LTBP1: variants seen among roughly 807,000 people sequenced by gnomAD.
The protein encoded by LTBP1 is latent-transforming growth factor beta-binding protein 1.
In LTBP1, 129 loss-of-function variants were observed where a neutral mutation model predicts 207.6. That is an observed-to-expected ratio of 0.62 (90% CI 0.54 to 0.72). The LOEUF is 0.72. LTBP1 is among the 30% of genes least tolerant of loss of function. The pLI is 0.00. For missense variants in LTBP1, 2,281 were observed against 2,217.2 expected, an observed-to-expected ratio of 1.03 and a Z score of -0.58; for synonymous variants, 963 against 833.7, an observed-to-expected ratio of 1.16 and a Z score of -2.67.
chr2:33,199,522 T>C (rs1028683521), intron 7 of LTBP1, among the ~76,000 whole-genome samples: 8 of 152,210 alleles, frequency 5.3e-5, no homozygotes, highest in Non-Finnish European at 1.0e-4. Context: ...AATATCATAC[T>C]GAATGGGCAA....
chr2:33,151,856 TG>T lies in LTBP1; in HGVS notation c.1201+16897del, dbSNP rs1558713238. ...GTGTGTGTGTGTGTGTGTGTGTGTGTGTGTGTGTGTGTGTGTGTGTGTATCA... is the reference window on the plus strand; with the variant it reads ...GTGTGTGTGTGTGTGTGTGTGTGTGTTGTGTGTGTGTGTGTGTGTGTATCA... On this transcript the variant is annotated intron_variant, in intron 5 of 33. Transcript: ENST00000404816. Among the ~76,000 whole-genome samples, 222 of 151,144 alleles carry T rather than the reference TG, an allele frequency of 1.5e-3. 2 individuals carry two copies. Among genetic ancestry groups the T allele is most frequent in the Middle Eastern group, 0.01 (3 of 294 alleles).
At chr2:33,007,990 C>T (rs1687158609) in intron 2 of LTBP1, among the ~76,000 whole-genome samples, 1 of 152,204 alleles carries the variant, frequency 6.6e-6, no homozygotes, top group African/African-American at 2.4e-5. Context: ...GCTTTAGCCA[C>T]TATATGACAC....
At chr2:33,286,478 T>C (rs76390075) in intron 19 of LTBP1, among the ~76,000 whole-genome samples, 4,297 of 152,320 alleles carry the variant, frequency 0.028, 187 homozygotes, top group East Asian at 0.17. Context: ...ATTGAAGACT[T>C]GGTACAGCAG....
Position 33,110,584 on chromosome 2 carries a change from T to C in LTBP1, c.866T>C (p.Val289Ala). ...VGLPQQIHSQ[V>A]TPLSSQSVVI... ...CTCTTTATTTTGTTTCTTCCCAGAG[T>C]GACTCCTCTTTCTTCCCAGAGTGTG... The change falls in exon 4 of 34, where the codon GTG becomes GCG. Residue 289 changes from valine (V) to alanine (A), a missense_variant and splice_region_variant. Val to Ala is a moderately conservative substitution (Grantham distance 64, BLOSUM62 0). This residue lies in a region of LTBP1 where 555 missense variants were observed against 491.0 expected (regional missense o/e 1.13). Transcript: ENST00000404816. The C allele has an allele frequency of 6.2e-7, 1 of 1,612,614 alleles. No homozygotes were observed. The highest frequency in any genetic ancestry group is 8.5e-7 in the Non-Finnish European group (1 of 1,179,146).
chr2:33,137,705 T>G (rs1276058267), intron 5 of LTBP1, among the ~76,000 whole-genome samples: 1 of 152,158 alleles, frequency 6.6e-6, no homozygotes, highest in Non-Finnish European at 1.5e-5. Flanking sequence ...TTTGTTTGTT[T>G]GTTTGTTTGT....
chr2:33,386,980 G>A (rs2095271383), intron 31 of LTBP1, among the ~76,000 whole-genome samples: 1 of 152,030 alleles, frequency 6.6e-6, no homozygotes, highest in South Asian at 2.1e-4. Context: ...ATAGGTACGT[G>A]CCACCATGCC....
At chr2:33,226,783 T>C (rs901079750) in intron 9 of LTBP1, among the ~76,000 whole-genome samples, 1 of 152,144 alleles carries the variant, frequency 6.6e-6, no homozygotes, top group Admixed American at 6.5e-5. Context: ...GACTAGAGGT[T>C]GCCTTCATGG....
At chr2:32,948,469 T>A (rs1676609749) in intron 1 of LTBP1, among the ~76,000 whole-genome samples, 1 of 152,226 alleles carries the variant, frequency 6.6e-6, no homozygotes, top group Non-Finnish European at 1.5e-5. Context: ...TGGCATGTTT[T>A]TTTCAGGGGT....
At chr2:33,230,490 T>C (rs1002745052) in intron 9 of LTBP1, among the ~76,000 whole-genome samples, 27 of 152,220 alleles carry the variant, frequency 1.8e-4, no homozygotes, top group Non-Finnish European at 5.9e-5. Context: ...TATAATTTGC[T>C]TCATTTATCA....
intron 7 of LTBP1, among the ~76,000 whole-genome samples, chr2:33,205,242 G>T (rs544354355): frequency 6.6e-6 from 1 of 152,160 alleles, no homozygotes; most frequent in Non-Finnish European, 1.5e-5. Flanking sequence ...ACTTCTCTCT[G>T]TTCCTTAAAT....
chr2:33,168,385 C>T (rs1392274861), intron 5 of LTBP1, among the ~76,000 whole-genome samples: 1 of 135,340 alleles, frequency 7.4e-6, no homozygotes, highest in African/African-American at 2.8e-5. Context: ...CAAAGTGAGA[C>T]CCTGTCTTTG....
intron 3 of LTBP1, among the ~76,000 whole-genome samples, chr2:33,034,896 A>T (rs1284390953): frequency 6.6e-6 from 1 of 152,156 alleles, no homozygotes; most frequent in African/African-American, 2.4e-5. Flanking sequence ...CGATTATGCC[A>T]GTGGGCAGCA....
In LTBP1 at chr2:33,188,952, G is replaced by C. The variant is rs748119416; in HGVS notation, c.1701+101G>C. On this transcript the variant is annotated intron_variant, in intron 7 of 33. Coordinates refer to ENST00000404816, the MANE Select transcript of LTBP1 (RefSeq NM_206943.4). ...ATAAAAATGCTTTTTTAAAAAAAAGGCTTTGACAAACTATGACTTGTGGCC... is the reference window on the plus strand; with the variant it reads ...ATAAAAATGCTTTTTTAAAAAAAAGCCTTTGACAAACTATGACTTGTGGCC... 1,077 of 1,371,064 alleles carry C rather than the reference G, an allele frequency of 7.9e-4. 21 individuals carry two copies. The highest frequency in any genetic ancestry group is 1.4e-4 in the Non-Finnish European group (140 of 1,009,904). 84.9% of individuals were successfully genotyped at this position (1,371,064 alleles called of 1,614,324 possible). A position where few individuals can be genotyped will look rare whatever the true frequency, so the allele number is the denominator to read the frequency against.
chr2:33,349,306 C>A (rs188550415), intron 26 of LTBP1, among the ~76,000 whole-genome samples: 2 of 151,906 alleles, frequency 1.3e-5, no homozygotes, highest in Admixed American at 6.6e-5. Flanking sequence ...AAAAATTAGC[C>A]GGGAGTGGAG....
At chr2:33,291,156 T>C (rs2093767462) in intron 19 of LTBP1, among the ~76,000 whole-genome samples, 1 of 152,202 alleles carries the variant, frequency 6.6e-6, no homozygotes, top group African/African-American at 2.4e-5. Flanking sequence ...AATAAACACA[T>C]CAGGCTACCC....
chr2:33,273,682 GATAT>G lies in LTBP1; in HGVS notation c.2645_2648del (p.Asp882AlafsTer12). The G allele has an allele frequency of 6.2e-7, 1 of 1,609,420 alleles. No individual in the cohort carries two copies. Among genetic ancestry groups the G allele is most frequent in the Non-Finnish European group, 8.5e-7 (1 of 1,177,910 alleles). On this transcript the variant is annotated frameshift_variant, in exon 16 of 34. Transcript: ENST00000404816. LOFTEE classifies it high-confidence loss of function. Reference sequence around the variant, plus strand: ...AATCAATGAATGTACTGTGAACCCTGATATCTGTGGAGCAGGACACTGCATTAAC... The same window carrying G: ...AATCAATGAATGTACTGTGAACCCTGCTGTGGAGCAGGACACTGCATTAAC...
chr2:32,955,617 T>G (rs1467961247), intron 2 of LTBP1, among the ~76,000 whole-genome samples: 5 of 112,880 alleles, frequency 4.4e-5, no homozygotes, highest in Non-Finnish European at 1.0e-4. Context: ...CATTTGGGTG[T>G]TTTTTTCCAC....
intron 5 of LTBP1, among the ~76,000 whole-genome samples, chr2:33,163,259 G>A (rs1358229504): frequency 2.6e-5 from 4 of 152,188 alleles, no homozygotes; most frequent in Admixed American, 6.5e-5. Flanking sequence ...GATTACAGGT[G>A]TGAACCACCA....
intron 2 of LTBP1, among the ~76,000 whole-genome samples, chr2:32,999,001 T>G (rs1249028615): frequency 6.6e-6 from 1 of 152,234 alleles, no homozygotes; most frequent in African/African-American, 2.4e-5. Context: ...TGAGAACTTG[T>G]TAGAAATACA....
Sources: allele counts gnomAD v4.1 joint callset (sites outside exome capture counted in the v4.1 genomes callset), GRCh38; gene constraint gnomAD v4.1.1; regional missense constraint gnomAD v4.1.1; transcripts MANE v1.5; gene names NCBI Gene and HGNC (gene_info 2026-07-23, HGNC 2026-07-21).